Variants in MAGI1 observed in about 807,000 individuals in gnomAD.
MAGI1 encodes membrane associated guanylate kinase, WW and PDZ domain containing 1.
In MAGI1, 58 loss-of-function variants were observed where a neutral mutation model predicts 139.9. The observed-to-expected ratio is 0.41, with a 90% CI of 0.34 to 0.52. The LOEUF is 0.52. MAGI1 is among the 20% of genes least tolerant of loss of function. The pLI is 0.12. For missense variants in MAGI1, 1,874 were observed against 1,901.6 expected (o/e 0.99, Z 0.27); for synonymous variants, 812 against 737.9 (o/e 1.10, Z -1.63).
At chr3:65,769,309 A>C (rs1321172512) in intron 1 of MAGI1, among the ~76,000 whole-genome samples, 1 of 152,094 alleles carries the variant, frequency 6.6e-6, no homozygotes, top group Non-Finnish European at 1.5e-5. Flanking sequence ...TTGCACATGC[A>C]CTTTGAACTT....
chr3:65,562,482 T>A (rs986298557), intron 2 of MAGI1, among the ~76,000 whole-genome samples: 3 of 152,202 alleles, frequency 2.0e-5, no homozygotes, highest in Non-Finnish European at 4.4e-5. Flanking sequence ...TTGTTCTTTG[T>A]TGTGTTTTTT....
chr3:65,728,370 G>A (rs1327803463), intron 1 of MAGI1, among the ~76,000 whole-genome samples: 1 of 152,200 alleles, frequency 6.6e-6, no homozygotes. Context: ...GGATCATAGA[G>A]CCCATGGTAT....
At chr3:65,584,768 A>G (rs901151073) in intron 2 of MAGI1, among the ~76,000 whole-genome samples, 1 of 152,204 alleles carries the variant, frequency 6.6e-6, no homozygotes. Context: ...GCCTCGCAAA[A>G]CTATATTTGT....
At chr3:65,379,963 G>A (rs1253922682) in intron 16 of MAGI1, among the ~76,000 whole-genome samples, 3 of 152,210 alleles carry the variant, frequency 2.0e-5, no homozygotes, top group Admixed American at 1.3e-4. Context: ...TACAACCTTG[G>A]ATGCACGTTC....
At chr3:65,375,571 T>A (rs1185832297) in intron 18 of MAGI1, among the ~76,000 whole-genome samples, 174 bp downstream of exon 18, 1 of 152,152 alleles carries the variant, frequency 6.6e-6, no homozygotes. Context: ...TTAGTAACAA[T>A]GGCTCACGTT....
intron 1 of MAGI1, among the ~76,000 whole-genome samples, chr3:65,889,058 T>C (rs754495259): frequency 3.9e-5 from 6 of 152,200 alleles, no homozygotes; most frequent in Non-Finnish European, 8.8e-5. Flanking sequence ...ATTATCAGAT[T>C]CATAGCAGTT....
chr3:65,982,245 T>G (rs1181743901), intron 1 of MAGI1, among the ~76,000 whole-genome samples: 2 of 152,232 alleles, frequency 1.3e-5, no homozygotes, highest in Non-Finnish European at 2.9e-5. Context: ...AAGGCTTCCA[T>G]GATCCTCTCA....
intron 1 of MAGI1, among the ~76,000 whole-genome samples, chr3:65,646,684 A>G (rs1412359539): frequency 6.6e-6 from 1 of 152,142 alleles, no homozygotes; most frequent in Non-Finnish European, 1.5e-5. Context: ...TTAAGCGTCG[A>G]AAGTATACAG....
chr3:65,764,502 T>C (rs2037312468), intron 1 of MAGI1, among the ~76,000 whole-genome samples: 1 of 152,192 alleles, frequency 6.6e-6, no homozygotes, highest in Non-Finnish European at 1.5e-5. Flanking sequence ...AAAAGGAACA[T>C]CAGTTTATTT....
At chr3:65,787,271 GGT>G (rs777906198) in intron 1 of MAGI1, among the ~76,000 whole-genome samples, 9 of 151,864 alleles carry the variant, frequency 5.9e-5, no homozygotes, top group Non-Finnish European at 1.2e-4. Flanking sequence ...CACAGGGCCC[GGT>G]CATCTTTAAG....
At chr3:65,856,209 G>A (rs928193971) in intron 1 of MAGI1, among the ~76,000 whole-genome samples, 1 of 152,074 alleles carries the variant, frequency 6.6e-6, no homozygotes, top group African/African-American at 2.4e-5. Flanking sequence ...AAAGGTCTAG[G>A]TAGGGTGTCC....
chr3:65,359,120 T>G, intron 22 of MAGI1: 7 of 1,614,070 alleles, frequency 4.3e-6, no homozygotes, highest in Non-Finnish European at 5.9e-6. Context: ...TTTTCATTTC[T>G]CATACATGCA....
At chr3:65,494,417 A>G (rs963546131) in intron 2 of MAGI1, among the ~76,000 whole-genome samples, 2 of 152,236 alleles carry the variant, frequency 1.3e-5, no homozygotes, top group African/African-American at 2.4e-5. Flanking sequence ...TTTTAGCCCA[A>G]TCTCAGTCAA....
chr3:66,026,479 C>T (rs1279473329), intron 1 of MAGI1, among the ~76,000 whole-genome samples: 6 of 151,784 alleles, frequency 4.0e-5, no homozygotes, highest in Admixed American at 3.3e-4. Flanking sequence ...TTTGCCTACT[C>T]ATTACCCTCA....
At chr3:65,423,405 A>C (rs1345350283) in intron 12 of MAGI1, among the ~76,000 whole-genome samples, 1 of 147,770 alleles carries the variant, frequency 6.8e-6, no homozygotes, top group East Asian at 2.0e-4. Context: ...CACACAGAGA[A>C]GAGCTAATGC....
chr3:65,611,779 A>C (rs1314571335), intron 2 of MAGI1, among the ~76,000 whole-genome samples: 1 of 151,284 alleles, frequency 6.6e-6, no homozygotes, highest in African/African-American at 2.4e-5. Context: ...GGAGGAAAGA[A>C]ACAGTGGTGG....
At chr3:65,805,451 AG>A (rs1485806859) in intron 1 of MAGI1, among the ~76,000 whole-genome samples, 1 of 152,244 alleles carries the variant, frequency 6.6e-6, no homozygotes, top group East Asian at 1.9e-4. Context: ...GACGCTGGCG[AG>A]GCTGTGGAGA....
chr3:65,865,448 T>A (rs565249066), intron 1 of MAGI1, among the ~76,000 whole-genome samples: 1 of 151,952 alleles, frequency 6.6e-6, no homozygotes, highest in African/African-American at 2.4e-5. Flanking sequence ...ATACAAAAAT[T>A]AGCCAGGCGT....
chr3:65,768,501 A>C (rs1288228455), intron 1 of MAGI1, among the ~76,000 whole-genome samples: 1 of 152,222 alleles, frequency 6.6e-6, no homozygotes, highest in Admixed American at 6.5e-5. Flanking sequence ...TGCTTGTCTC[A>C]GTCAAGTTTT....
Sources: gnomAD v4.1 joint callset for allele counts (sites outside exome capture counted in the v4.1 genomes callset) on GRCh38, gnomAD v4.1.1 for gene constraint, MANE v1.5 for transcripts, NCBI Gene and HGNC (gene_info 2026-07-23, HGNC 2026-07-21) for gene names.